Variants in TMEM132D observed in about 807,000 individuals in gnomAD.
TMEM132D encodes the protein transmembrane protein 132D, also known as mature OL transmembrane protein.
A neutral mutation model predicts 62.3 loss-of-function variants in TMEM132D; 21 were observed. The ratio of observed to expected loss-of-function variants is 0.34; its 90% CI spans 0.24 to 0.49. The LOEUF (loss-of-function observed/expected upper bound fraction) is 0.49, where lower values mean the gene tolerates loss of function less well. Among genes scored for constraint, TMEM132D ranks in the 20% least tolerant of loss-of-function variants. The pLI, the probability that TMEM132D is intolerant of heterozygous loss-of-function variation, is 0.99. For missense variants in TMEM132D, 1,346 were observed against 1,402.8 expected (o/e 0.96, Z 0.65); for synonymous variants, 621 against 575.6 (o/e 1.08, Z -1.13).
At chr12:129,112,137 G>A (rs941853014) in intron 5 of TMEM132D, among the ~76,000 whole-genome samples, 8 of 152,154 alleles carry the variant, frequency 5.3e-5, no homozygotes, top group South Asian at 2.1e-4. Context: ...CAATTTCTGC[G>A]TAAATCAGCC....
intron 4 of TMEM132D, among the ~76,000 whole-genome samples, chr12:129,256,661 A>G (rs2135593266): frequency 6.6e-6 from 1 of 152,188 alleles, no homozygotes; most frequent in South Asian, 2.1e-4. Flanking sequence ...ACCTCAGGTG[A>G]TCCTCTTGCC....
At chr12:129,271,447 G>C (rs983926740) in intron 4 of TMEM132D, among the ~76,000 whole-genome samples, 1 of 151,514 alleles carries the variant, frequency 6.6e-6, no homozygotes, top group Non-Finnish European at 1.5e-5. Context: ...GAACATGCAG[G>C]TTTGTTACAC....
intron 5 of TMEM132D, among the ~76,000 whole-genome samples, chr12:129,087,853 C>T (rs1357099786): frequency 7.8e-6 from 1 of 128,528 alleles, no homozygotes; most frequent in African/African-American, 2.7e-5. Flanking sequence ...CCGCAGAGCC[C>T]CGGGGTGTCC....
At chr12:129,692,800 G>T (rs1881093340) in intron 2 of TMEM132D, among the ~76,000 whole-genome samples, 1 of 152,020 alleles carries the variant, frequency 6.6e-6, no homozygotes, top group Non-Finnish European at 1.5e-5. Flanking sequence ...TGAACAATGA[G>T]AAAACAGGGA....
chr12:129,652,553 G>C (rs185679672), intron 2 of TMEM132D, among the ~76,000 whole-genome samples: 1 of 152,356 alleles, frequency 6.6e-6, no homozygotes. Flanking sequence ...GCTGGAGTCA[G>C]AGGGAGATTT....
chr12:129,084,332 A>T (rs1225680591), intron 6 of TMEM132D, among the ~76,000 whole-genome samples, 165 bp downstream of exon 6: 1 of 152,046 alleles, frequency 6.6e-6, no homozygotes, highest in Non-Finnish European at 1.5e-5. Context: ...CTCCCGAAAA[A>T]CGCTGATAAA....
rs116806608 is a variant in TMEM132D, at chr12:129,649,392, T to G, written c.968+50418A>C. 4.7e-3 allele frequency among the ~76,000 whole-genome samples: 710 copies of G among 152,182 alleles called. 4 individuals are homozygous for G. Among genetic ancestry groups the G allele is most frequent in the African/African-American group, 0.016 (674 of 41,524 alleles). On this transcript the variant is annotated intron_variant, in intron 2 of 8. Transcript: ENST00000422113. ...GCCACCAAGTAAAGTTAAATACAGA[T>G]GTAACCTCAAGAAAGCACCCCCACA...
intron 1 of TMEM132D, 28 bp from the exon 2 acceptor site, chr12:129,700,726 G>A (rs1443160464): frequency 1.3e-6 from 2 of 1,570,952 alleles, no homozygotes; most frequent in Admixed American, 1.8e-5. Flanking sequence ...CAGTGCAGGC[G>A]TTAGTAATGC....
At chr12:129,801,914 G>A (rs1385613362) in intron 1 of TMEM132D, among the ~76,000 whole-genome samples, 112 of 151,746 alleles carry the variant, frequency 7.4e-4, no homozygotes, top group Admixed American at 1.0e-3. Flanking sequence ...GAGCCGATGC[G>A]ATCAACTGGA....
intron 5 of TMEM132D, among the ~76,000 whole-genome samples, chr12:129,189,037 A>AGCGCAACTC (rs1878307592): frequency 6.6e-6 from 1 of 151,662 alleles, no homozygotes; most frequent in Admixed American, 6.6e-5. Context: ...ACTGGTCAAC[A>AGCGCAACTC]AGGTCAACAA....
intron 2 of TMEM132D, among the ~76,000 whole-genome samples, chr12:129,661,300 G>T (rs959058607): frequency 7.9e-5 from 12 of 152,218 alleles, no homozygotes; most frequent in Non-Finnish European, 1.5e-4. Context: ...TGGAAGTGAG[G>T]CTGCAAATGG....
At chr12:129,902,146 A>C (rs1875379318) in intron 1 of TMEM132D, among the ~76,000 whole-genome samples, 1 of 152,206 alleles carries the variant, frequency 6.6e-6, no homozygotes, top group Non-Finnish European at 1.5e-5. Context: ...AACTGTCTTC[A>C]TCTATTATCA....
intron 4 of TMEM132D, among the ~76,000 whole-genome samples, chr12:129,226,852 C>T (rs1365334377): frequency 6.6e-6 from 1 of 152,248 alleles, no homozygotes; most frequent in East Asian, 1.9e-4. Context: ...CCAGGACCCC[C>T]GATTCATTTC....
chr12:129,330,231 C>A (rs186537090), intron 4 of TMEM132D, among the ~76,000 whole-genome samples: 36 of 152,250 alleles, frequency 2.4e-4, no homozygotes, highest in African/African-American at 8.4e-4. Flanking sequence ...CCTGTAGTTA[C>A]CTGGGTTATG....
chr12:129,491,679 G>C (rs1874800792), intron 3 of TMEM132D, among the ~76,000 whole-genome samples: 1 of 152,140 alleles, frequency 6.6e-6, no homozygotes, highest in Non-Finnish European at 1.5e-5. Context: ...CTGTGGCTCA[G>C]GCCTATAATC....
At chr12:129,148,035 A>G (rs1333679316) in intron 5 of TMEM132D, among the ~76,000 whole-genome samples, 1 of 152,164 alleles carries the variant, frequency 6.6e-6, no homozygotes, top group African/African-American at 2.4e-5. Flanking sequence ...TCTCCCAGGT[A>G]GGCTTAGACA....
intron 1 of TMEM132D, among the ~76,000 whole-genome samples, chr12:129,783,562 T>C (rs1355066425): frequency 2.0e-5 from 3 of 152,152 alleles, no homozygotes; most frequent in Admixed American, 6.6e-5. Context: ...TGTAGGGCCC[T>C]GATGTGCAGA....
chr12:129,776,788 CAAAAAAA>C (rs148740560), intron 1 of TMEM132D, among the ~76,000 whole-genome samples: 37 of 68,468 alleles, frequency 5.4e-4, no homozygotes, highest in Admixed American at 8.9e-4. Flanking sequence ...TAATGGGCTT[CAAAAAAA>C]AAAAAAAAAA....
chr12:129,617,345 C>T (rs562197752), intron 2 of TMEM132D, among the ~76,000 whole-genome samples: 1 of 152,220 alleles, frequency 6.6e-6, no homozygotes, highest in Non-Finnish European at 1.5e-5. Context: ...CTTCTCCCAC[C>T]TACTCAACCC....
Sources: gnomAD v4.1 joint callset for allele counts (sites outside exome capture counted in the v4.1 genomes callset) on GRCh38, gnomAD v4.1.1 for gene constraint, MANE v1.5 for transcripts, NCBI Gene and HGNC (gene_info 2026-07-23, HGNC 2026-07-21) for gene names.